Variants in OOSP1 observed in about 807,000 individuals in gnomAD.
The protein encoded by OOSP1 is oocyte secreted protein 1, also known as putative oocyte-secreted protein 1 homolog.
In OOSP1, 11 loss-of-function variants were observed where a neutral mutation model predicts 5.7. The ratio of observed to expected loss-of-function variants is 1.94; its 90% CI spans 1.22 to 3.20. The LOEUF is 3.20. OOSP1 is among the 30% of genes most tolerant of loss of function. OOSP1 has a pLI of 0.00. For missense variants in OOSP1, 83 were observed against 54.1 expected (o/e 1.53, Z -1.67); for synonymous variants, 44 against 20.0 (o/e 2.20, Z -3.20).
At chr11:59,945,747 T>G in intron 3 of OOSP1, among the ~76,000 whole-genome samples, 1 of 65,232 alleles carries the variant, frequency 1.5e-5, no homozygotes, top group South Asian at 6.6e-4. Context: ...CGAGACTCTG[T>G]CTCAAAAAAA....
intron 4 of OOSP1, among the ~76,000 whole-genome samples, chr11:59,951,966 A>G (rs1853944725): frequency 6.6e-6 from 1 of 151,876 alleles, no homozygotes; most frequent in South Asian, 2.1e-4. Context: ...AATTTGAATC[A>G]ATAGCTAAGA....
chr11:59,943,062 G>A, intron 2 of OOSP1, 34 bp downstream of exon 2: 1 of 699,406 alleles, frequency 1.4e-6, no homozygotes, highest in Non-Finnish European at 2.6e-6. Context: ...AAACCCAAGT[G>A]TCCAGGTGTG....
intron 1 of OOSP1, among the ~76,000 whole-genome samples, chr11:59,941,526 C>T (rs571015471): frequency 1.3e-4 from 19 of 151,916 alleles, no homozygotes; most frequent in African/African-American, 4.1e-4. Flanking sequence ...ATTACAGGCA[C>T]GTGCCACCAT....
At chr11:59,948,977 C>A in intron 4 of OOSP1, 1 of 391,272 alleles carries the variant, frequency 2.6e-6, no homozygotes. Context: ...GGAACTGCCA[C>A]TGCTCTTAAC....
chr11:59,957,354 G>A (rs1854002822), exon 5 of OOSP1: 1 of 395,294 alleles, frequency 2.5e-6, no homozygotes, highest in Non-Finnish European at 4.5e-6. Flanking sequence ...CTTGTGTTTG[G>A]AGAGAACATT....
intron 2 of OOSP1, among the ~76,000 whole-genome samples, chr11:59,943,893 A>T (rs186865634): frequency 3.3e-5 from 5 of 152,320 alleles, no homozygotes; most frequent in African/African-American, 1.2e-4. Flanking sequence ...TTTTTTCATT[A>T]TCCCAAATAA....
chr11:59,952,903 C>T (rs1360732135), intron 4 of OOSP1, among the ~76,000 whole-genome samples: 1 of 152,116 alleles, frequency 6.6e-6, no homozygotes, highest in East Asian at 1.9e-4. Context: ...CCCACCTTTG[C>T]CCCCATTCAA....
In OOSP1 at chr11:59,945,137, A is replaced by T. The variant is rs894440376; in HGVS notation, c.259-32A>T. 5 of 701,932 alleles carry T rather than the reference A, an allele frequency of 7.1e-6. No homozygotes were observed. In the African/African-American group the frequency reaches 8.7e-5, roughly 12 times the overall value. 43.5% of individuals were successfully genotyped at this position (701,932 alleles called of 1,614,324 possible). A position where few individuals can be genotyped will look rare whatever the true frequency, so the allele number is the denominator to read the frequency against. On this transcript the variant is annotated intron_variant, in intron 2 of 4. Coordinates refer to ENST00000646685, the Ensembl canonical transcript of OOSP1. The stretch of plus-strand genomic sequence containing the variant: ...AAGTTTCCTGAGATACTTGAGACAA[A>T]CATGGGTTTAAAACCTCTCTTTGTC...
chr11:59,945,876 C>T (rs149732628), intron 3 of OOSP1, among the ~76,000 whole-genome samples: 70 of 151,086 alleles, frequency 4.6e-4, no homozygotes, highest in African/African-American at 1.6e-3. Context: ...AGAGTTTTTA[C>T]TCATGGCGGA....
chr11:59,944,313 C>T (rs1590891233), intron 2 of OOSP1, among the ~76,000 whole-genome samples: 1 of 132,170 alleles, frequency 7.6e-6, no homozygotes, highest in South Asian at 2.3e-4. Flanking sequence ...GTCTAATACA[C>T]CACAGCAGGT....
chr11:59,953,540 G>C (rs931538909), intron 4 of OOSP1, among the ~76,000 whole-genome samples: 10 of 152,112 alleles, frequency 6.6e-5, no homozygotes, highest in African/African-American at 2.4e-4. Flanking sequence ...TGATTGGTAT[G>C]TGCTTTCTAA....
At chr11:59,939,593 C>CTTTT (rs61407778) in intron 1 of OOSP1, among the ~76,000 whole-genome samples, 1 of 149,544 alleles carries the variant, frequency 6.7e-6, no homozygotes, top group Non-Finnish European at 1.5e-5. Context: ...CTCTCTTTTT[C>CTTTT]TTTTTTTTCT....
chr11:59,945,924 G>A (rs1337574904), intron 3 of OOSP1, among the ~76,000 whole-genome samples: 1 of 152,072 alleles, frequency 6.6e-6, no homozygotes, highest in African/African-American at 2.4e-5. Flanking sequence ...GCTGGAGCAG[G>A]CATACTCACG....
intron 1 of OOSP1, among the ~76,000 whole-genome samples, chr11:59,940,911 A>G (rs1853818048): frequency 6.6e-6 from 1 of 152,224 alleles, no homozygotes; most frequent in East Asian, 1.9e-4. Flanking sequence ...CTATTTATTC[A>G]GCTTCACACA....
intron 1 of OOSP1, 96 bp from the exon 2 acceptor site, chr11:59,942,751 A>C (rs1396778639): frequency 3.3e-6 from 2 of 608,552 alleles, no homozygotes; most frequent in Non-Finnish European, 5.8e-6. Context: ...TTAGTAAGGG[A>C]TGATCTCTTC....
intron 2 of OOSP1, 41 bp from the exon 3 acceptor site, chr11:59,945,127 CT>C (rs1226191182): frequency 1.4e-6 from 1 of 700,540 alleles, no homozygotes; most frequent in Admixed American, 2.0e-5. Flanking sequence ...TCCTGAGATA[CT>C]TGAGACAAAC....
intron 3 of OOSP1, among the ~76,000 whole-genome samples, chr11:59,946,715 G>A (rs1317264156): frequency 6.6e-6 from 1 of 152,042 alleles, no homozygotes; most frequent in Non-Finnish European, 1.5e-5. Flanking sequence ...GCATAATGAA[G>A]TCTAAAAGAC....
At chr11:59,940,771 G>A (rs7925914) in intron 1 of OOSP1, among the ~76,000 whole-genome samples, 76,082 of 151,934 alleles carry the variant, frequency 0.5, 19,701 homozygotes, top group Admixed American at 0.63. Context: ...AATTCTAATT[G>A]GTGCTCACAG....
chr11:59,954,260 T>C (rs530004404), intron 4 of OOSP1, among the ~76,000 whole-genome samples: 14 of 152,340 alleles, frequency 9.2e-5, no homozygotes, highest in African/African-American at 2.6e-4. Context: ...GTATGCATTT[T>C]AGGCTTTGTA....
Sources: allele counts gnomAD v4.1 joint callset (sites outside exome capture counted in the v4.1 genomes callset), GRCh38; gene constraint gnomAD v4.1.1; transcripts MANE v1.5; gene names NCBI Gene and HGNC (gene_info 2026-07-23, HGNC 2026-07-21).